Variants in STXBP6 observed in about 807,000 individuals in gnomAD.
STXBP6 encodes syntaxin-binding protein 6.
STXBP6 carries 21 observed loss-of-function variants against 26.9 expected under a neutral mutation model. That is an observed-to-expected ratio of 0.78 (90% CI 0.55 to 1.12). STXBP6 has a LOEUF of 1.12. Among genes scored for constraint, STXBP6 ranks in the 50% most tolerant of loss-of-function variants. The pLI is 0.00. For missense variants in STXBP6, 232 were observed against 257.9 expected (o/e 0.90, Z 0.69); for synonymous variants, 97 against 92.6 (o/e 1.05, Z -0.27).
At chr14:24,938,426 TA>T (rs2139967313) in intron 2 of STXBP6, among the ~76,000 whole-genome samples, 1 of 152,142 alleles carries the variant, frequency 6.6e-6, no homozygotes, top group Non-Finnish European at 1.5e-5. Flanking sequence ...TATCCCTGCC[TA>T]AAAAAAGTAA....
At chr14:24,836,239 A>T (rs998962773) in intron 4 of STXBP6, among the ~76,000 whole-genome samples, 3 of 152,188 alleles carry the variant, frequency 2.0e-5, no homozygotes, top group Non-Finnish European at 4.4e-5. Flanking sequence ...AAAATATTTT[A>T]TTTTGGACTC....
At chr14:24,960,563 G>A (rs2073498131) in intron 2 of STXBP6, among the ~76,000 whole-genome samples, 1 of 152,168 alleles carries the variant, frequency 6.6e-6, no homozygotes, top group Non-Finnish European at 1.5e-5. Flanking sequence ...ATCAGGCAGT[G>A]TATCACATTT....
intron 1 of STXBP6, among the ~76,000 whole-genome samples, chr14:24,999,457 T>A (rs931829929): frequency 1.3e-5 from 2 of 152,182 alleles, no homozygotes; most frequent in African/African-American, 2.4e-5. Flanking sequence ...TTGTCCATGC[T>A]ATTATCTAGG....
chr14:24,867,300 T>C (rs2139295585), intron 2 of STXBP6, among the ~76,000 whole-genome samples: 1 of 152,302 alleles, frequency 6.6e-6, no homozygotes, highest in Non-Finnish European at 1.5e-5. Context: ...AAACTGCCAG[T>C]GTCTTGATCT....
At chr14:25,039,460 G>A (rs1433955489) in intron 1 of STXBP6, among the ~76,000 whole-genome samples, 1 of 152,092 alleles carries the variant, frequency 6.6e-6, no homozygotes, top group African/African-American at 2.4e-5. Context: ...CTTTCTGACT[G>A]TCTTTGTATA....
intron 2 of STXBP6, among the ~76,000 whole-genome samples, chr14:24,892,528 G>T (rs2139547855): frequency 6.6e-6 from 1 of 152,164 alleles, no homozygotes. Flanking sequence ...CTGATTCTGG[G>T]CCAACCACAC....
rs578176823 is a variant in STXBP6 at position 24,891,306 on chromosome 14, G to T, written c.155-34149C>A. 3.3e-5 allele frequency among the ~76,000 whole-genome samples: 5 copies of T among 152,278 alleles called. No homozygotes were observed. In the South Asian group the frequency reaches 8.3e-4, roughly 25 times the overall value. ...TAAAGAATAGGGCAGTATATTGGGG[G>T]CTTGAGTCCATCTCTCCACAGTGCT... On this transcript the variant is annotated intron_variant, in intron 2 of 5. Coordinates refer to ENST00000323944, the MANE Select transcript of STXBP6 (RefSeq NM_001394410.1).
intron 1 of STXBP6, among the ~76,000 whole-genome samples, chr14:24,984,315 A>T (rs539102329): frequency 3.7e-4 from 57 of 152,308 alleles, no homozygotes; most frequent in Admixed American, 9.8e-4. Flanking sequence ...GGAGAATATC[A>T]CCACTTTACA....
At chr14:24,856,993 A>T in intron 3 of STXBP6, 34 bp downstream of exon 3, 1 of 1,602,666 alleles carries the variant, frequency 6.2e-7, no homozygotes, top group South Asian at 1.1e-5. Context: ...TTGTGAAAAG[A>T]ATGCCTTTGC....
chr14:25,036,761 T>C (rs111496439), intron 1 of STXBP6, among the ~76,000 whole-genome samples: 8 of 145,106 alleles, frequency 5.5e-5, no homozygotes, highest in Non-Finnish European at 1.0e-4. Context: ...GAGGCTGAGG[T>C]AGGAGAATGG....
intron 4 of STXBP6, among the ~76,000 whole-genome samples, chr14:24,826,481 T>C (rs2068286647): frequency 2.0e-5 from 3 of 152,202 alleles, no homozygotes; most frequent in Non-Finnish European, 4.4e-5. Flanking sequence ...CCTACTCTCA[T>C]CACCATGAAC....
At position 24,811,878 on chromosome 14, in the gene STXBP6, A is replaced by T. The variant is rs1425193340; in HGVS notation, c.*831T>A. On this transcript the variant is annotated 3_prime_UTR_variant, in exon 6 of 6. Coordinates refer to ENST00000323944, the MANE Select transcript of STXBP6 (RefSeq NM_001394410.1). ...CAAATCAATTTTTTGATAAAAATAT[A>T]AGCACTTTTCCATACCAGCGACCAT... is the stretch of plus-strand genomic sequence containing the variant. 6.6e-6 allele frequency: 1 copy of T among 152,168 alleles called. No individual in the cohort carries two copies. The highest frequency in any genetic ancestry group is 1.5e-5 in the Non-Finnish European group (1 of 68,020). 9.4% of individuals were successfully genotyped at this position (152,168 alleles called of 1,614,324 possible). A position where few individuals can be genotyped will look rare whatever the true frequency, so the allele number is the denominator to read the frequency against.
chr14:24,931,117 C>CAAAAAAAAAAAAAAAA (rs749625860), intron 2 of STXBP6, among the ~76,000 whole-genome samples: 1 of 23,330 alleles, frequency 4.3e-5, no homozygotes, highest in Non-Finnish European at 7.7e-5. Context: ...GACTCCGTCT[C>CAAAAAAAAAAAAAAAA]AAAAAAAAAA....
chr14:24,993,329 T>G (rs2074521153), intron 1 of STXBP6, among the ~76,000 whole-genome samples: 1 of 152,088 alleles, frequency 6.6e-6, no homozygotes, highest in Admixed American at 6.5e-5. Flanking sequence ...AACTCAAGCT[T>G]TCTCAATCCC....
At chr14:25,039,923 G>A (rs1255784941) in intron 1 of STXBP6, among the ~76,000 whole-genome samples, 1 of 152,012 alleles carries the variant, frequency 6.6e-6, no homozygotes, top group Non-Finnish European at 1.5e-5. Flanking sequence ...TGGCCAGGCT[G>A]GTCTTGAACA....
chr14:25,031,623 G>C (rs928575260), intron 1 of STXBP6, among the ~76,000 whole-genome samples: 3 of 151,986 alleles, frequency 2.0e-5, no homozygotes, highest in African/African-American at 7.3e-5. Flanking sequence ...TAGCATGAGA[G>C]TAAACTTTTA....
chr14:24,878,761 G>A (rs975919704), intron 2 of STXBP6: 2 of 451,046 alleles, frequency 4.4e-6, no homozygotes, highest in Non-Finnish European at 8.9e-6. Context: ...TCATTAGCTG[G>A]TCTTCTCTCT....
intron 2 of STXBP6, among the ~76,000 whole-genome samples, chr14:24,934,177 A>T (rs1280042485): frequency 6.6e-6 from 1 of 152,206 alleles, no homozygotes. Flanking sequence ...CTGAAATAAA[A>T]ACAAATTGAA....
At chr14:24,972,367 G>A (rs2073929672) in intron 2 of STXBP6, among the ~76,000 whole-genome samples, 1 of 152,178 alleles carries the variant, frequency 6.6e-6, no homozygotes, top group Admixed American at 6.5e-5. Flanking sequence ...TCACTGAGAT[G>A]AGGCTGTTAG....
Sources: gnomAD v4.1 joint callset for allele counts (sites outside exome capture counted in the v4.1 genomes callset) on GRCh38, gnomAD v4.1.1 for gene constraint, MANE v1.5 for transcripts, NCBI Gene and HGNC (gene_info 2026-07-23, HGNC 2026-07-21) for gene names.